Variants in DOK6 observed in about 807,000 individuals in gnomAD.
DOK6 encodes the protein downstream of tyrosine kinase 6.
Under a neutral mutation model 44.0 loss-of-function variants are expected in DOK6, and 22 were observed. That is an observed-to-expected ratio of 0.50 (90% CI 0.36 to 0.71). DOK6 has a LOEUF of 0.71. DOK6 is among the 30% of genes least tolerant of loss of function. The pLI is 0.00. For synonymous variants in DOK6, 166 were observed against 145.5 expected (o/e 1.14, Z -1.01); for missense variants, 340 against 416.4 (o/e 0.82, Z 1.60).
intron 5 of DOK6, among the ~76,000 whole-genome samples, chr18:69,730,220 C>T (rs2144730700): frequency 6.6e-6 from 1 of 152,354 alleles, no homozygotes; most frequent in South Asian, 2.1e-4. Context: ...ACACCAACAT[C>T]CCCTTTCATG....
intron 2 of DOK6, among the ~76,000 whole-genome samples, chr18:69,594,258 AC>A (rs1365714280): frequency 6.6e-6 from 1 of 151,978 alleles, no homozygotes; most frequent in African/African-American, 2.4e-5. Context: ...AATTGTATAC[AC>A]ATACATGTAC....
intron 3 of DOK6, among the ~76,000 whole-genome samples, chr18:69,673,957 AG>A (rs1192743853): frequency 1.3e-5 from 2 of 152,204 alleles, no homozygotes; most frequent in Non-Finnish European, 2.9e-5. Flanking sequence ...CAAATTACAA[AG>A]GCACTCGGTC....
chr18:69,610,594 G>C (rs907971030), intron 3 of DOK6, among the ~76,000 whole-genome samples: 1 of 152,078 alleles, frequency 6.6e-6, no homozygotes, highest in African/African-American at 2.4e-5. Flanking sequence ...CACCCAAGAA[G>C]TATATACAAT....
At chr18:69,458,074 C>G (rs922265651) in intron 1 of DOK6, among the ~76,000 whole-genome samples, 2 of 152,172 alleles carry the variant, frequency 1.3e-5, no homozygotes, top group Non-Finnish European at 2.9e-5. Flanking sequence ...ACCCGTGAGG[C>G]AGAACTTACA....
intron 3 of DOK6, among the ~76,000 whole-genome samples, chr18:69,673,613 C>A (rs1985857337): frequency 6.6e-6 from 1 of 152,182 alleles, no homozygotes; most frequent in African/African-American, 2.4e-5. Flanking sequence ...TCACATAATT[C>A]ACCATTTAAT....
intron 2 of DOK6, among the ~76,000 whole-genome samples, chr18:69,593,386 A>G (rs1390014013): frequency 6.6e-6 from 1 of 152,014 alleles, no homozygotes; most frequent in Non-Finnish European, 1.5e-5. Flanking sequence ...AAGAAAAAAA[A>G]AAAAGAAAGA....
In DOK6 at chr18:69,768,749, G is replaced by A. The variant is rs1027226804; in HGVS notation, c.856+10876G>A. On this transcript the variant is annotated intron_variant, in intron 7 of 7. Coordinates refer to ENST00000382713, the MANE Select transcript of DOK6 (RefSeq NM_152721.6). ...GCAGAGTTGATGTTGATTTAAGCCT[G>A]GATATGTCCTTCACATCTAGCACAG... Among the ~76,000 whole-genome samples, 16 of 151,680 alleles carry A rather than the reference G, an allele frequency of 1.1e-4. No homozygotes were observed. The East Asian group carries it at 2.9e-3, about 28-fold the overall frequency.
chr18:69,818,283 T>C (rs986980257), intron 7 of DOK6, among the ~76,000 whole-genome samples: 5 of 151,554 alleles, frequency 3.3e-5, no homozygotes. Context: ...CAGGAGGGAG[T>C]GATGAGAGGA....
At chr18:69,814,523 C>T (rs532099263) in intron 7 of DOK6, among the ~76,000 whole-genome samples, 3 of 152,190 alleles carry the variant, frequency 2.0e-5, no homozygotes, top group Admixed American at 1.3e-4. Flanking sequence ...TATATTAGTC[C>T]ATTCTCACAC....
intron 7 of DOK6, among the ~76,000 whole-genome samples, chr18:69,801,401 G>C (rs1980902625): frequency 6.6e-6 from 1 of 152,154 alleles, no homozygotes; most frequent in South Asian, 2.1e-4. Flanking sequence ...TTAATGAATA[G>C]TTCTAGTTTT....
chr18:69,571,388 C>A (rs1459919362), intron 2 of DOK6, among the ~76,000 whole-genome samples: 1 of 151,722 alleles, frequency 6.6e-6, no homozygotes, highest in Non-Finnish European at 1.5e-5. Context: ...TATTTAAAGC[C>A]AATCCATGAA....
intron 2 of DOK6, among the ~76,000 whole-genome samples, chr18:69,566,261 C>T (rs1328383055): frequency 1.3e-5 from 2 of 152,070 alleles, no homozygotes; most frequent in South Asian, 2.1e-4. Flanking sequence ...CTCAGCCTCC[C>T]GAGTAGCTGG....
At chr18:69,772,112 A>G (rs1222048795) in intron 7 of DOK6, among the ~76,000 whole-genome samples, 1 of 151,824 alleles carries the variant, frequency 6.6e-6, no homozygotes, top group Non-Finnish European at 1.5e-5. Flanking sequence ...CCATACTACA[A>G]TGAGCTATGA....
intron 1 of DOK6, among the ~76,000 whole-genome samples, chr18:69,553,117 A>G (rs1159548593): frequency 3.5e-4 from 53 of 152,236 alleles, no homozygotes; most frequent in Non-Finnish European, 1.5e-5. Context: ...CTTCATCTCT[A>G]TTCACCCCAA....
At chr18:69,459,106 C>T (rs535708526) in intron 1 of DOK6, among the ~76,000 whole-genome samples, 1 of 139,390 alleles carries the variant, frequency 7.2e-6, no homozygotes, top group Non-Finnish European at 1.6e-5. Flanking sequence ...ACAACCCCCC[C>T]CCCAAAAAAA....
chr18:69,630,876 A>G (rs1984674873), intron 3 of DOK6, among the ~76,000 whole-genome samples: 1 of 152,148 alleles, frequency 6.6e-6, no homozygotes, highest in African/African-American at 2.4e-5. Context: ...ATTTATAGGC[A>G]TTTTCTTAAG....
intron 3 of DOK6, among the ~76,000 whole-genome samples, chr18:69,605,791 A>G (rs1349071372): frequency 6.6e-6 from 1 of 151,740 alleles, no homozygotes; most frequent in Non-Finnish European, 1.5e-5. Context: ...CACACTTAAG[A>G]TAAAAACTGA....
intron 7 of DOK6, among the ~76,000 whole-genome samples, chr18:69,780,966 T>C (rs1980246629): frequency 6.6e-6 from 1 of 152,062 alleles, no homozygotes; most frequent in Admixed American, 6.5e-5. Flanking sequence ...GTTTAGCCTG[T>C]AGATCTCCAC....
intron 7 of DOK6, among the ~76,000 whole-genome samples, chr18:69,784,694 C>T (rs1980378772): frequency 6.6e-6 from 1 of 151,878 alleles, no homozygotes; most frequent in South Asian, 2.1e-4. Context: ...TCAAATATGG[C>T]AATGTAGTTA....
Sources: gnomAD v4.1 joint callset for allele counts (sites outside exome capture counted in the v4.1 genomes callset) on GRCh38, gnomAD v4.1.1 for gene constraint, MANE v1.5 for transcripts, NCBI Gene and HGNC (gene_info 2026-07-23, HGNC 2026-07-21) for gene names.